STK31: variants seen among roughly 807,000 people sequenced by gnomAD.
STK31 encodes the protein serine/threonine kinase 31.
In STK31, 89 loss-of-function variants were observed where a neutral mutation model predicts 129.7. The observed-to-expected ratio is 0.69, with a 90% CI of 0.58 to 0.82. The LOEUF (loss-of-function observed/expected upper bound fraction) is 0.82. Among genes scored for constraint, STK31 ranks in the 40% least tolerant of loss-of-function variants. The probability of loss-of-function intolerance (pLI) is 0.00; values close to 1 mark genes in which losing one functional copy is unlikely to be tolerated. For synonymous variants in STK31, 448 were observed against 395.3 expected (o/e 1.13, Z -1.58); for missense variants, 1,187 against 1,176.4 (o/e 1.01, Z -0.13).
chr7:23,786,767 G>T (rs898023355), intron 19 of STK31, 71 bp from the exon 20 acceptor site: 4 of 1,553,786 alleles, frequency 2.6e-6, no homozygotes, highest in Admixed American at 3.7e-5. Flanking sequence ...TTATCCCATA[G>T]AATCAATGTA....
rs1343535584 is a variant in STK31 at position 23,736,852 on chromosome 7, G to A, written c.843-52G>A. The A allele has an allele frequency of 2.1e-6, 3 of 1,402,094 alleles. No homozygotes were observed. The African/African-American group carries it at 4.4e-5, about 20-fold the overall frequency. The allele number at this position is 1,402,094 out of a possible 1,614,324, so 86.9% of individuals were successfully genotyped here. A position where few individuals can be genotyped will look rare whatever the true frequency, so the allele number is the denominator to read the frequency against. ...CCAAGATAACTTAGATTTGTTTTCT[G>A]TGTCAGCCTTATACAGTTTGTTTGT... is the stretch of plus-strand genomic sequence containing the variant. On this transcript the variant is annotated intron_variant, in intron 7 of 23. Transcript: ENST00000355870.
intron 22 of STK31, among the ~76,000 whole-genome samples, chr7:23,812,486 G>C (rs1366053378): frequency 6.9e-6 from 1 of 144,936 alleles, no homozygotes; most frequent in African/African-American, 2.5e-5. Flanking sequence ...TCAAAATTTG[G>C]GAACTTTTCA....
chr7:23,808,835 TTGG>T (rs893173813), intron 22 of STK31, among the ~76,000 whole-genome samples: 72 of 151,986 alleles, frequency 4.7e-4, no homozygotes, highest in Non-Finnish European at 7.8e-4. Flanking sequence ...AGTTTTTCGT[TTGG>T]TGTGTGACTG....
At chr7:23,801,777 CA>C (rs1792385221) in intron 22 of STK31, among the ~76,000 whole-genome samples, 1 of 148,420 alleles carries the variant, frequency 6.7e-6, no homozygotes, top group South Asian at 2.2e-4. Context: ...AATTTTACAA[CA>C]CCATTTTTTT....
At chr7:23,804,332 C>T (rs1270442659) in intron 22 of STK31, among the ~76,000 whole-genome samples, 1 of 152,012 alleles carries the variant, frequency 6.6e-6, no homozygotes, top group Non-Finnish European at 1.5e-5. Context: ...TTATTGTCTG[C>T]TTCTACCACT....
intron 15 of STK31, among the ~76,000 whole-genome samples, chr7:23,775,797 T>G (rs1049858131): frequency 4.6e-5 from 7 of 152,220 alleles, no homozygotes; most frequent in Non-Finnish European, 7.3e-5. Context: ...TGACTTCCTG[T>G]CTTCTTATGT....
At chr7:23,786,156 C>T (rs1791272504) in intron 18 of STK31, among the ~76,000 whole-genome samples, 1 of 151,082 alleles carries the variant, frequency 6.6e-6, no homozygotes, top group Non-Finnish European at 1.5e-5. Context: ...TTTTAAAATT[C>T]TTGATTTTCT....
chr7:23,726,952 AT>A (rs568866929), intron 4 of STK31, among the ~76,000 whole-genome samples: 25 of 148,156 alleles, frequency 1.7e-4, no homozygotes, highest in Middle Eastern at 3.4e-3. Context: ...GCCTTAAAAA[AT>A]TTTTTTTTTT....
chr7:23,783,715 T>C (rs1480767534), intron 17 of STK31, 52 bp downstream of exon 17: 1 of 1,396,000 alleles, frequency 7.2e-7, no homozygotes, highest in East Asian at 2.3e-5. Context: ...TGTTGAAAAG[T>C]GATAATATTA....
intron 10 of STK31, among the ~76,000 whole-genome samples, chr7:23,760,875 A>C (rs1789420302): frequency 6.6e-6 from 1 of 152,114 alleles, no homozygotes. Flanking sequence ...CATGTTGTCC[A>C]GACAGGTTTT....
intron 22 of STK31, among the ~76,000 whole-genome samples, chr7:23,796,939 A>C (rs1159128191): frequency 3.7e-5 from 2 of 54,702 alleles, no homozygotes; most frequent in African/African-American, 1.0e-4. Flanking sequence ...AATGGAAAGC[A>C]AAAAAAAAAG....
At position 23,735,600 on chromosome 7, in the gene STK31, C is replaced by A. The variant is rs1349108970; in HGVS notation, c.546C>A (p.Thr182=). 8 of 1,613,250 alleles carry A rather than the reference C, an allele frequency of 5.0e-6. No homozygotes were observed. Among genetic ancestry groups the A allele is most frequent in the Non-Finnish European group, 6.8e-6 (8 of 1,179,632 alleles). ...AAATAAAAATGAGAATTAAAGCAAC[C>A]TCTGAAGATGGAACAGTTATTGCTC... ...EKEIKMRIKA[T]SEDGTVIAQA... Residue 182 remains threonine (T), a synonymous_variant, in exon 7 of 24, where the codon ACC becomes ACA. Coordinates refer to ENST00000355870, the MANE Select transcript of STK31 (RefSeq NM_031414.5).
intron 8 of STK31, among the ~76,000 whole-genome samples, chr7:23,740,529 T>A (rs62468631): frequency 0.25 from 38,375 of 152,042 alleles, 5,169 homozygotes; most frequent in East Asian, 0.39. Context: ...AGTTTTAGGG[T>A]ACATGTGCAC....
At chr7:23,748,867 A>G (rs1440730786) in intron 8 of STK31, among the ~76,000 whole-genome samples, 1 of 152,242 alleles carries the variant, frequency 6.6e-6, no homozygotes, top group African/African-American at 2.4e-5. Context: ...AAAGTTATAC[A>G]TAAATTTTCA....
intron 4 of STK31, chr7:23,722,870 T>C (rs1430918491): frequency 6.6e-6 from 1 of 152,306 alleles, no homozygotes; most frequent in Admixed American, 6.5e-5. Flanking sequence ...TCCGTGGGCA[T>C]GGGACCCTCG....
intron 3 of STK31, among the ~76,000 whole-genome samples, chr7:23,715,249 T>C (rs945789091): frequency 2.0e-5 from 3 of 152,138 alleles, no homozygotes; most frequent in African/African-American, 7.2e-5. Flanking sequence ...AAACCACTTA[T>C]AAGCAAACAC....
intron 10 of STK31, among the ~76,000 whole-genome samples, chr7:23,760,237 T>C (rs1314211038): frequency 1.3e-5 from 2 of 152,220 alleles, no homozygotes; most frequent in Non-Finnish European, 2.9e-5. Context: ...CTTGTTGTGT[T>C]TGGACTTGTT....
rs756573339 is a variant in STK31, at chr7:23,823,679, A to G, written c.2830-8457A>G. ...AGACATGAAGTCCTTGTCCATGCCT[A>G]TGTCCTGAATGGTATTGCCTAGTTA... On this transcript the variant is annotated intron_variant, in intron 23 of 23. Coordinates refer to ENST00000355870, the MANE Select transcript of STK31 (RefSeq NM_031414.5). 3.3e-5 allele frequency among the ~76,000 whole-genome samples: 5 copies of G among 152,306 alleles called. No homozygotes were observed. The Middle Eastern group carries it at 0.014, about 414-fold the overall frequency.
At chr7:23,810,925 ATG>A (rs1213838249) in intron 22 of STK31, among the ~76,000 whole-genome samples, 9 of 110,346 alleles carry the variant, frequency 8.2e-5, no homozygotes, top group Admixed American at 2.8e-4. Flanking sequence ...ATATGTATAT[ATG>A]TGTGTGTGTA....
Sources: allele counts gnomAD v4.1 joint callset (sites outside exome capture counted in the v4.1 genomes callset), GRCh38; gene constraint gnomAD v4.1.1; transcripts MANE v1.5; gene names NCBI Gene and HGNC (gene_info 2026-07-23, HGNC 2026-07-21).